The following DPY19L4 variants were observed in gnomAD, a reference collection of about 807,000 sequenced individuals.
DPY19L4 encodes probable C-mannosyltransferase DPY19L4.
In DPY19L4, 97 loss-of-function variants were observed where a neutral mutation model predicts 102.8. The ratio of observed to expected loss-of-function variants is 0.94; its 90% confidence interval spans 0.80 to 1.12. The LOEUF (loss-of-function observed/expected upper bound fraction) is 1.12. Among genes scored for constraint, DPY19L4 ranks in the 50% most tolerant of loss-of-function variants. The pLI is 0.00. For missense variants in DPY19L4, 815 were observed against 850.4 expected (o/e 0.96, Z 0.52); for synonymous variants, 252 against 283.1 (o/e 0.89, Z 1.10).
chr8:94,742,134 G>A (rs1057170608), intron 6 of DPY19L4, among the ~76,000 whole-genome samples: 1 of 152,284 alleles, frequency 6.6e-6, no homozygotes, highest in East Asian at 1.9e-4. Flanking sequence ...TGAGGCAGGT[G>A]GATCACGAAG....
At position 94,784,414 on chromosome 8, in the gene DPY19L4, AT is replaced by A. The variant is rs138763914; in HGVS notation, c.1848+616del. On this transcript the variant is annotated intron_variant, in intron 17 of 18. Transcript: ENST00000414645. ...AAATATTGTTCTCAATCAAATTTTT[AT>A]TTTATTTTTTATTGTATTTATTTAT... Among the ~76,000 whole-genome samples the A allele has an allele frequency of 2.5e-3, 386 of 151,876 alleles. 2 individuals carry two copies. Among genetic ancestry groups the A allele is most frequent in the African/African-American group, 8.8e-3 (366 of 41,386 alleles).
chr8:94,739,873 C>A, intron 6 of DPY19L4, 83 bp downstream of exon 6: 1 of 1,475,212 alleles, frequency 6.8e-7, no homozygotes, highest in South Asian at 1.2e-5. Flanking sequence ...CCCTCCCCAA[C>A]AGTCCTCACT....
chr8:94,764,889 C>T (rs959247485), intron 8 of DPY19L4, among the ~76,000 whole-genome samples: 1 of 149,830 alleles, frequency 6.7e-6, no homozygotes, highest in Non-Finnish European at 1.5e-5. Flanking sequence ...CCACCATGCC[C>T]AGCTAATTTT....
intron 16 of DPY19L4, among the ~76,000 whole-genome samples, chr8:94,782,458 A>G (rs1468948668): frequency 6.9e-6 from 1 of 145,214 alleles, no homozygotes; most frequent in South Asian, 2.1e-4. Context: ...TAATACTAGC[A>G]TTCCCTCCAA....
At chr8:94,725,723 C>T (rs958699299) in intron 1 of DPY19L4, among the ~76,000 whole-genome samples, 1 of 152,124 alleles carries the variant, frequency 6.6e-6, no homozygotes, top group Admixed American at 6.6e-5. Flanking sequence ...GCAAGCTCCG[C>T]CTTCTGGGTT....
At chr8:94,775,833 AGCACT>A (rs1359519938) in intron 13 of DPY19L4, among the ~76,000 whole-genome samples, 2 of 152,076 alleles carry the variant, frequency 1.3e-5, no homozygotes, top group Non-Finnish European at 2.9e-5. Context: ...ATCTATACTA[AGCACT>A]GATATCTATT....
intron 13 of DPY19L4, among the ~76,000 whole-genome samples, chr8:94,771,377 A>T (rs1165937460): frequency 6.6e-6 from 1 of 152,232 alleles, no homozygotes; most frequent in East Asian, 1.9e-4. Flanking sequence ...TTTGTTAAAA[A>T]ACTATTGAAC....
chr8:94,751,531 G>T (rs4349961), intron 6 of DPY19L4, among the ~76,000 whole-genome samples: 3 of 151,266 alleles, frequency 2.0e-5, no homozygotes, highest in African/African-American at 7.3e-5. Context: ...TCACTCTGTC[G>T]CCCAAGCTGG....
chr8:94,770,808 C>T (rs1447680075), intron 13 of DPY19L4, among the ~76,000 whole-genome samples: 2 of 151,702 alleles, frequency 1.3e-5, no homozygotes, highest in African/African-American at 2.4e-5. Context: ...CAGGATCTCT[C>T]GAACCTGGGA....
chr8:94,758,735 AT>A (rs141349330), intron 7 of DPY19L4, among the ~76,000 whole-genome samples: 246 of 145,260 alleles, frequency 1.7e-3, no homozygotes, highest in Middle Eastern at 3.6e-3. Context: ...TATTTTAGCA[AT>A]TTTTTTTTTT....
Position 94,719,948 on chromosome 8 carries a change from A to G in DPY19L4, c.-51A>G, listed in dbSNP as rs747168426. Reference sequence around the variant, plus strand: ...GGGGTTCGGCGACGCGGAGGGAGGGAGAGTCTGGGCCGCGCGGGAGCCGCA... The same window carrying G: ...GGGGTTCGGCGACGCGGAGGGAGGGGGAGTCTGGGCCGCGCGGGAGCCGCA... On this transcript the variant is annotated 5_prime_UTR_variant, in exon 1 of 19. Transcript: ENST00000414645. 14 of 1,480,470 alleles carry G rather than the reference A, an allele frequency of 9.5e-6. No homozygotes were observed. Among genetic ancestry groups the G allele is most frequent in the Middle Eastern group, 2.4e-4 (1 of 4,178 alleles). 91.7% of individuals were successfully genotyped at this position (1,480,470 alleles called of 1,614,324 possible).
At chr8:94,778,040 G>A (rs563145092) in intron 14 of DPY19L4, among the ~76,000 whole-genome samples, 35 of 152,188 alleles carry the variant, frequency 2.3e-4, no homozygotes, top group African/African-American at 8.2e-4. Context: ...AGACCAGTCT[G>A]GCCAACATGG....
intron 2 of DPY19L4, among the ~76,000 whole-genome samples, chr8:94,728,346 G>GC (rs1810781086): frequency 2.0e-5 from 3 of 152,330 alleles, no homozygotes; most frequent in Middle Eastern, 3.4e-3. Flanking sequence ...TTGTGTTTAT[G>GC]CCCCAGTTGT....
chr8:94,723,727 G>GAT (rs1165972580), intron 1 of DPY19L4, among the ~76,000 whole-genome samples: 1 of 152,148 alleles, frequency 6.6e-6, no homozygotes, highest in Non-Finnish European at 1.5e-5. Flanking sequence ...CACTAAAATT[G>GAT]ATATGTCTTA....
Position 94,737,943 on chromosome 8 carries a change from T to C in DPY19L4, c.253-426T>C, listed in dbSNP as rs570717198. ...TGGGTAGCTGAGGTGGGAGGATCAT[T>C]TGAGGTTTCAGTGAGCCATGATTGT... On this transcript the variant is annotated intron_variant, in intron 3 of 18. Coordinates refer to ENST00000414645, the MANE Select transcript of DPY19L4 (RefSeq NM_181787.3). Among the ~76,000 whole-genome samples the C allele has an allele frequency of 7.2e-5, 11 of 152,144 alleles. 1 individual carries two copies. Among genetic ancestry groups the C allele is most frequent in the African/African-American group, 2.2e-4 (9 of 41,514 alleles).
At chr8:94,726,553 G>A (rs1810698067) in intron 2 of DPY19L4, 112 bp downstream of exon 2, 1 of 839,730 alleles carries the variant, frequency 1.2e-6, no homozygotes, top group Non-Finnish European at 1.8e-6. Context: ...TATATGCTCA[G>A]CTTTCACTAG....
At chr8:94,779,511 T>C (rs1813336937) in intron 14 of DPY19L4, among the ~76,000 whole-genome samples, 1 of 141,520 alleles carries the variant, frequency 7.1e-6, no homozygotes, top group African/African-American at 2.6e-5. Context: ...TTTTTTTTTG[T>C]AGAGACAGGG....
intron 16 of DPY19L4, among the ~76,000 whole-genome samples, chr8:94,781,813 T>C (rs1813443885): frequency 6.6e-6 from 1 of 152,224 alleles, no homozygotes; most frequent in African/African-American, 2.4e-5. Context: ...TGAATTCATG[T>C]GGTTTTATAG....
At chr8:94,722,123 T>C (rs1324886631) in intron 1 of DPY19L4, among the ~76,000 whole-genome samples, 1 of 140,782 alleles carries the variant, frequency 7.1e-6, no homozygotes, top group Non-Finnish European at 1.5e-5. Context: ...AAAATAAAAT[T>C]AAGGCCGGGC....
Sources: allele counts gnomAD v4.1 joint callset (sites outside exome capture counted in the v4.1 genomes callset), GRCh38; gene constraint gnomAD v4.1.1; transcripts MANE v1.5; gene names NCBI Gene and HGNC (gene_info 2026-07-23, HGNC 2026-07-21).